Variants in CAST observed in about 807,000 individuals in gnomAD.
CAST encodes MIR583 host.
Under a neutral mutation model 119.6 loss-of-function variants are expected in CAST, and 76 were observed. The observed-to-expected ratio is 0.64, with a 90% CI of 0.53 to 0.77. CAST has a LOEUF of 0.77. Ranked by LOEUF, CAST falls within the 30% of genes least tolerant of loss-of-function variation. CAST has a pLI of 0.00. For missense variants in CAST, 953 were observed against 946.5 expected (o/e 1.01, Z -0.09); for synonymous variants, 319 against 331.6 (o/e 0.96, Z 0.41).
chr5:96,179,760 G>C, the CAST span, among the ~76,000 whole-genome samples: 1 of 152,198 alleles, frequency 6.6e-6, no homozygotes, highest in Non-Finnish European at 1.5e-5. Flanking sequence ...GTGTAGGCCG[G>C]GCGCGGTGGC....
chr5:96,285,337 A>G, the CAST span, among the ~76,000 whole-genome samples: 1 of 152,224 alleles, frequency 6.6e-6, no homozygotes, highest in Non-Finnish European at 1.5e-5. Flanking sequence ...GCTAAGGAGG[A>G]TAGTATTACT....
chr5:96,048,435 G>A, the CAST span, among the ~76,000 whole-genome samples: 1 of 152,112 alleles, frequency 6.6e-6, no homozygotes, highest in East Asian at 1.9e-4. Flanking sequence ...AGACTGAGGG[G>A]GCAGAAAGGG....
chr5:96,218,883 C>T, the CAST span, among the ~76,000 whole-genome samples: 1 of 152,168 alleles, frequency 6.6e-6, no homozygotes, highest in Non-Finnish European at 1.5e-5. Flanking sequence ...TAGAGTCAGG[C>T]AGCCCTCAAC....
chr5:96,127,348 T>G, the CAST span, among the ~76,000 whole-genome samples: 3 of 152,102 alleles, frequency 2.0e-5, no homozygotes, highest in Non-Finnish European at 2.9e-5. Context: ...TTTATTTCAT[T>G]TTAAAAATCT....
the CAST span, among the ~76,000 whole-genome samples, chr5:96,374,290 C>T: frequency 6.6e-6 from 1 of 152,126 alleles, no homozygotes. Context: ...AGAAAAACAG[C>T]AGGAAACATT....
At chr5:96,278,143 AAGTC>A in the CAST span, among the ~76,000 whole-genome samples, 17 of 152,094 alleles carry the variant, frequency 1.1e-4, no homozygotes, top group Admixed American at 3.3e-4. Context: ...TCTTCAGAAA[AAGTC>A]AGTAAGGTTA....
the CAST span, among the ~76,000 whole-genome samples, chr5:96,470,088 C>A: frequency 6.6e-6 from 1 of 151,128 alleles, no homozygotes; most frequent in South Asian, 2.1e-4. Flanking sequence ...TTTGGCAGGA[C>A]CCAAGATCCC....
chr5:96,636,354 G>T (rs1747886287), intron 1 of CAST, among the ~76,000 whole-genome samples: 1 of 152,084 alleles, frequency 6.6e-6, no homozygotes, highest in Non-Finnish European at 1.5e-5. Context: ...TATTCACAAT[G>T]GCCTGTCCAC....
At chr5:96,752,939 C>T (rs1014694336) in intron 20 of CAST, among the ~76,000 whole-genome samples, 5 of 149,944 alleles carry the variant, frequency 3.3e-5, no homozygotes, top group African/African-American at 9.8e-5. Flanking sequence ...GTATTTATCC[C>T]TTCTATGTAT....
At chr5:96,168,216 AC>A in the CAST span, among the ~76,000 whole-genome samples, 1 of 152,150 alleles carries the variant, frequency 6.6e-6, no homozygotes, top group African/African-American at 2.4e-5. Flanking sequence ...AGAAGTTGGA[AC>A]GCTAGCTGCT....
chr5:96,355,863 A>G, the CAST span, among the ~76,000 whole-genome samples: 2 of 151,974 alleles, frequency 1.3e-5, no homozygotes, highest in Admixed American at 1.3e-4. Flanking sequence ...CACCACGCCC[A>G]GCTAATTTTT....
At chr5:96,693,867 G>GT (rs1447047434) in intron 2 of CAST, among the ~76,000 whole-genome samples, 2 of 152,026 alleles carry the variant, frequency 1.3e-5, no homozygotes, top group Non-Finnish European at 2.9e-5. Context: ...ATTTATCTAG[G>GT]TTTTTTTCTT....
the CAST span, among the ~76,000 whole-genome samples, chr5:96,029,053 A>G: frequency 2.0e-5 from 3 of 152,186 alleles, no homozygotes; most frequent in Admixed American, 1.3e-4. Flanking sequence ...CTTTGGAACA[A>G]TTTAAACATT....
chr5:96,425,465 T>C, the CAST span, among the ~76,000 whole-genome samples: 1 of 152,262 alleles, frequency 6.6e-6, no homozygotes, highest in South Asian at 2.1e-4. Context: ...GTGAGTGCTT[T>C]AAAGGGTTCT....
At chr5:96,070,812 C>T in the CAST span, among the ~76,000 whole-genome samples, 2 of 152,084 alleles carry the variant, frequency 1.3e-5, no homozygotes, top group Admixed American at 6.5e-5. Context: ...ATAGACAAGG[C>T]TAAACAGGAA....
chr5:96,700,596 A>C (rs1195773146), intron 3 of CAST, among the ~76,000 whole-genome samples: 1 of 152,198 alleles, frequency 6.6e-6, no homozygotes, highest in African/African-American at 2.4e-5. Context: ...CCACATTTTG[A>C]GTAGCCAGGA....
intron 1 of CAST, among the ~76,000 whole-genome samples, chr5:96,536,038 T>G (rs995043026): frequency 1.4e-5 from 2 of 141,000 alleles, no homozygotes; most frequent in Non-Finnish European, 1.6e-5. Context: ...AAGGTTTTTT[T>G]TTTTTTTTTT....
chr5:96,538,676 T>TAA lies in CAST; in HGVS notation c.60+8805_60+8806dup, dbSNP rs36077156. ...TTTTGCAACATCTGTTTTTTTAAAT[T>TAA]AAAAAAAAAACAGAAAATGTAACAT... On this transcript the variant is annotated intron_variant, in intron 1 of 11. Coordinates refer to the CAST transcript ENST00000505143. Among the ~76,000 whole-genome samples the TAA allele has an allele frequency of 1.5e-3, 222 of 148,860 alleles. 2 individuals carry two copies. Among genetic ancestry groups the TAA allele is most frequent in the South Asian group, 4.3e-3 (20 of 4,700 alleles).
At chr5:96,650,732 G>GTGTA (rs1228482103) in intron 1 of CAST, among the ~76,000 whole-genome samples, 2 of 133,864 alleles carry the variant, frequency 1.5e-5, no homozygotes, top group African/African-American at 5.9e-5. Flanking sequence ...ACTTAATTGT[G>GTGTA]TGTGTGTGTG....
Sources: gnomAD v4.1 joint callset for allele counts (sites outside exome capture counted in the v4.1 genomes callset) on GRCh38, gnomAD v4.1.1 for gene constraint, MANE v1.5 for transcripts, NCBI Gene and HGNC (gene_info 2026-07-23, HGNC 2026-07-21) for gene names.